The following CDH18 variants were observed in gnomAD, a reference collection of about 807,000 sequenced individuals.
CDH18 encodes cadherin-18.
In CDH18, 31 loss-of-function variants were observed where a neutral mutation model predicts 67.9. That is an observed-to-expected ratio of 0.46 (90% CI 0.34 to 0.62). The LOEUF is 0.62. Among genes scored for constraint, CDH18 ranks in the 20% least tolerant of loss-of-function variants. CDH18 has a pLI of 0.01. For synonymous variants in CDH18, 362 were observed against 347.2 expected, an observed-to-expected ratio of 1.04 and a Z score of -0.48; for missense variants, 890 against 975.5, an observed-to-expected ratio of 0.91 and a Z score of 1.17.
At chr5:19,818,048 G>T (rs1003152982) in intron 3 of CDH18, among the ~76,000 whole-genome samples, 7 of 151,960 alleles carry the variant, frequency 4.6e-5, no homozygotes, top group African/African-American at 1.7e-4. Context: ...AAACAGAATT[G>T]TATGTAGGCA....
intron 7 of CDH18, among the ~76,000 whole-genome samples, chr5:19,580,824 G>A (rs1425096362): frequency 6.6e-6 from 1 of 151,982 alleles, no homozygotes; most frequent in Non-Finnish European, 1.5e-5. Context: ...TGTTATCCTG[G>A]TGGAAATCTA....
intron 1 of CDH18, among the ~76,000 whole-genome samples, chr5:20,334,131 C>CTTTTTTTTTTTTTTTTTT (rs34609844): frequency 1.2e-5 from 1 of 81,654 alleles, no homozygotes; most frequent in African/African-American, 5.2e-5. Flanking sequence ...GACTTGAATT[C>CTTTTTTTTTTTTTTTTTT]TTTTTTTTTT....
chr5:19,721,572 G>C lies in CDH18; in HGVS notation c.524-106C>G, dbSNP rs1487223888. On this transcript the variant is annotated intron_variant, in intron 4 of 12. Transcript: ENST00000382275. ...GAAATAGCTATGGAGATCAGTACTG[G>C]TTGTGTCCTAGTAAATTTAATTAAA... The C allele has an allele frequency of 6.9e-6, 6 of 875,620 alleles. No individual in the cohort carries two copies. In the Admixed American group the frequency reaches 1.5e-4, roughly 22 times the overall value. 54.2% of individuals were successfully genotyped at this position (875,620 alleles called of 1,614,324 possible). A position where few individuals can be genotyped will look rare whatever the true frequency, so the allele number is the denominator to read the frequency against.
chr5:19,562,209 G>T (rs1739574677), intron 8 of CDH18, among the ~76,000 whole-genome samples: 1 of 152,140 alleles, frequency 6.6e-6, no homozygotes, highest in African/African-American at 2.4e-5. Flanking sequence ...CCTTTAACAT[G>T]AACACAGTTT....
intron 9 of CDH18, among the ~76,000 whole-genome samples, chr5:19,530,377 G>A (rs955565052): frequency 6.6e-6 from 1 of 151,050 alleles, no homozygotes; most frequent in Admixed American, 6.6e-5. Context: ...AGAATTATTC[G>A]AAAAAAACAC....
At chr5:20,326,076 T>C (rs1449576372) in intron 1 of CDH18, among the ~76,000 whole-genome samples, 2 of 152,228 alleles carry the variant, frequency 1.3e-5, no homozygotes, top group East Asian at 1.9e-4. Flanking sequence ...CTAGATACTC[T>C]TTCTGCAAGA....
At chr5:20,538,605 C>A (rs1033677797) in intron 1 of CDH18, among the ~76,000 whole-genome samples, 3 of 152,120 alleles carry the variant, frequency 2.0e-5, no homozygotes, top group Non-Finnish European at 2.9e-5. Flanking sequence ...GGGCATGCAA[C>A]TACAACCTGT....
At chr5:19,859,201 G>A (rs555127402) in intron 2 of CDH18, among the ~76,000 whole-genome samples, 1 of 152,236 alleles carries the variant, frequency 6.6e-6, no homozygotes, top group African/African-American at 2.4e-5. Context: ...ATGATGGGAA[G>A]TAGGGGTGGG....
At chr5:19,815,453 T>C (rs1779184936) in intron 3 of CDH18, among the ~76,000 whole-genome samples, 1 of 152,012 alleles carries the variant, frequency 6.6e-6, no homozygotes, top group African/African-American at 2.4e-5. Flanking sequence ...ATAAAAGCTA[T>C]CTTTTTTCTA....
intron 6 of CDH18, among the ~76,000 whole-genome samples, chr5:19,593,162 G>A (rs1049565630): frequency 5.9e-5 from 9 of 151,866 alleles, no homozygotes; most frequent in African/African-American, 2.2e-4. Flanking sequence ...TCCTGATTTC[G>A]ATTTTTTAAA....
chr5:19,994,766 G>T lies in CDH18; in HGVS notation c.-517-2752C>A, dbSNP rs1418783054. 3.8e-4 allele frequency among the ~76,000 whole-genome samples: 40 copies of T among 104,424 alleles called. 1 individual carries two copies. Among genetic ancestry groups the T allele is most frequent in the Non-Finnish European group, 4.9e-4 (26 of 52,678 alleles). The allele number at this position is 104,424 out of a possible 152,430, so 68.5% of individuals were successfully genotyped here. ...AGAGAGAGAGAGAGAGAGAGAGAGA[G>T]AGAGAGAGAGAGAGAGAGAGAGAGA... On this transcript the variant is annotated intron_variant, in intron 2 of 14. Coordinates refer to the CDH18 transcript ENST00000507958.
chr5:19,882,976 A>C (rs1332284289), intron 2 of CDH18, among the ~76,000 whole-genome samples: 1 of 152,174 alleles, frequency 6.6e-6, no homozygotes, highest in Admixed American at 6.6e-5. Flanking sequence ...AATAACAAGA[A>C]TAATATATGC....
intron 5 of CDH18, among the ~76,000 whole-genome samples, chr5:19,658,292 T>A (rs1393303223): frequency 2.6e-5 from 4 of 152,108 alleles, no homozygotes; most frequent in African/African-American, 4.8e-5. Flanking sequence ...CACATAAAAA[T>A]TATTTTTAAT....
At chr5:19,854,525 C>T (rs1238419735) in intron 2 of CDH18, among the ~76,000 whole-genome samples, 1 of 152,040 alleles carries the variant, frequency 6.6e-6, no homozygotes, top group Non-Finnish European at 1.5e-5. Flanking sequence ...TAATCATACT[C>T]ATGGAAAATG....
chr5:20,241,450 A>G (rs1054727714), intron 2 of CDH18, among the ~76,000 whole-genome samples: 4 of 152,108 alleles, frequency 2.6e-5, no homozygotes, highest in African/African-American at 4.8e-5. Flanking sequence ...AAAGAGCTCT[A>G]TGGACTTAGG....
At chr5:19,671,391 T>C (rs975100237) in intron 5 of CDH18, among the ~76,000 whole-genome samples, 1 of 152,152 alleles carries the variant, frequency 6.6e-6, no homozygotes, top group African/African-American at 2.4e-5. Flanking sequence ...AAATATACCA[T>C]TGATAGTCAA....
At chr5:19,672,780 TA>T (rs1435739019) in intron 5 of CDH18, among the ~76,000 whole-genome samples, 2 of 152,014 alleles carry the variant, frequency 1.3e-5, no homozygotes, top group Non-Finnish European at 2.9e-5. Flanking sequence ...ATAACTGCTT[TA>T]AAAAATAAAA....
chr5:19,474,743 G>C (rs1338332295), intron 12 of CDH18, among the ~76,000 whole-genome samples: 2 of 152,070 alleles, frequency 1.3e-5, no homozygotes, highest in African/African-American at 4.8e-5. Flanking sequence ...ATAATAAACT[G>C]AGTGTCCAAC....
intron 1 of CDH18, among the ~76,000 whole-genome samples, chr5:20,384,055 TA>T (rs1210744224): frequency 1.2e-4 from 18 of 152,090 alleles, no homozygotes; most frequent in African/African-American, 4.3e-4. Context: ...TTTTTAAAAT[TA>T]AAAAAGTACA....
Sources: gnomAD v4.1 joint callset for allele counts (sites outside exome capture counted in the v4.1 genomes callset) on GRCh38, gnomAD v4.1.1 for gene constraint, MANE v1.5 for transcripts, NCBI Gene and HGNC (gene_info 2026-07-23, HGNC 2026-07-21) for gene names.